Variants in SIPA1L3 observed in about 807,000 individuals in gnomAD.
The protein encoded by SIPA1L3 is signal induced proliferation associated 1 like 3.
A neutral mutation model predicts 150.1 loss-of-function variants in SIPA1L3; 59 were observed. That is an observed-to-expected ratio of 0.39 (90% CI 0.32 to 0.49). The LOEUF is 0.49. Ranked by LOEUF, SIPA1L3 falls within the 20% of genes least tolerant of loss-of-function variation. The pLI, the probability that SIPA1L3 is intolerant of heterozygous loss-of-function variation, is 0.86. For missense variants in SIPA1L3, 2,211 were observed against 2,489.5 expected (o/e 0.89, Z 2.38); for synonymous variants, 1,070 against 1,077.6 (o/e 0.99, Z 0.14).
Position 38,047,695 on chromosome 19 carries a change from ATGC to A in SIPA1L3, c.-311+18542_-311+18544del, listed in dbSNP as rs1969092614. On this transcript the variant is annotated intron_variant, in intron 2 of 21. Transcript: ENST00000222345. The surrounding 1 kb of genome is among the most constrained non-coding windows in gnomAD (Gnocchi z 4.7). The stretch of plus-strand genomic sequence containing the variant: ...CTGCCACACTGGTATCTTTCCCTTG[ATGC>A]TGACGGAGGGATGTGACACCGCAGC... Among the ~76,000 whole-genome samples the A allele has an allele frequency of 6.6e-6, 1 of 152,148 alleles. No homozygotes were observed. Among genetic ancestry groups the A allele is most frequent in the South Asian group, 2.1e-4 (1 of 4,826 alleles).
At position 38,182,581 on chromosome 19, in the gene SIPA1L3, C is replaced by A; in HGVS notation, c.4271C>A (p.Pro1424His). 6.2e-7 allele frequency: 1 copy of A among 1,614,220 alleles called. No homozygotes were observed. Residue 1424 changes from proline to histidine, a missense_variant, in exon 16 of 22, where the codon CCT becomes CAT. By Grantham distance (77) the Pro-to-His change is moderately conservative (BLOSUM62 -2). This residue lies in a region of SIPA1L3 where 806 missense variants were observed against 870.1 expected (regional missense o/e 0.93). Transcript: ENST00000222345. ...QVYKTASAET[P>H]RPSQLAQPSP... ...TACAAAACTGCCAGTGCAGAGACTC[C>A]TCGGCCCTCCCAGCTGGCCCAGCCC...
chr19:38,117,286 C>T (rs1970908931), intron 8 of SIPA1L3, among the ~76,000 whole-genome samples: 1 of 152,166 alleles, frequency 6.6e-6, no homozygotes, highest in South Asian at 2.1e-4. Flanking sequence ...GGGCTTCCTG[C>T]ACAGGCAGGA....
At chr19:37,911,602 G>A (rs1200875291) in intron 1 of SIPA1L3, among the ~76,000 whole-genome samples, 1 of 151,138 alleles carries the variant, frequency 6.6e-6, no homozygotes, top group Non-Finnish European at 1.5e-5. Flanking sequence ...TCCGCCTCCT[G>A]GGTTCACGCC....
intron 10 of SIPA1L3, among the ~76,000 whole-genome samples, chr19:38,133,981 A>G (rs1971372727): frequency 1.3e-5 from 2 of 151,572 alleles, no homozygotes; most frequent in African/African-American, 4.8e-5. Flanking sequence ...TCGCCACTAC[A>G]ACAAATTTTT....
intron 1 of SIPA1L3, among the ~76,000 whole-genome samples, chr19:37,920,768 C>T (rs1050580181): frequency 6.6e-6 from 1 of 152,184 alleles, no homozygotes; most frequent in African/African-American, 2.4e-5. Context: ...TTTGGAAGCC[C>T]CTTTGATAAA....
chr19:37,989,729 G>C (rs1967451312), intron 1 of SIPA1L3, among the ~76,000 whole-genome samples: 1 of 147,074 alleles, frequency 6.8e-6, no homozygotes, highest in East Asian at 2.0e-4. Context: ...GCAATGGCGT[G>C]ATCTCAGCTC....
At chr19:38,176,915 G>C (rs1333312418) in intron 15 of SIPA1L3, among the ~76,000 whole-genome samples, 1 of 151,886 alleles carries the variant, frequency 6.6e-6, no homozygotes, top group Non-Finnish European at 1.5e-5. Flanking sequence ...AGGTTGCAGT[G>C]AGCCAAGATC....
intron 1 of SIPA1L3, among the ~76,000 whole-genome samples, chr19:38,020,320 TC>T (rs576125954): frequency 7.9e-5 from 12 of 152,148 alleles, no homozygotes; most frequent in Non-Finnish European, 1.6e-4. Flanking sequence ...CGTTCATTCT[TC>T]CCTTTCAATG....
At chr19:38,049,695 G>A (rs1173696022) in intron 2 of SIPA1L3, among the ~76,000 whole-genome samples, 1 of 152,136 alleles carries the variant, frequency 6.6e-6, no homozygotes, top group East Asian at 1.9e-4. Flanking sequence ...TGTACTTTTG[G>A]TAGAACTGGG....
In SIPA1L3 at chr19:38,081,751, C is replaced by T. The variant is rs749461630; in HGVS notation, c.186C>T (p.Thr62=). Residue 62 remains threonine, a synonymous_variant, in exon 3 of 22, where the codon ACC becomes ACT. Transcript: ENST00000222345. ...CGGCCACCGCCACCGCCACCGCCAC[C>T]GCCACCACCCGCCCCAGCCCCACCA... The part of the protein sequence containing the change: ...ESPATATATA[T]ATTRPSPTTP... 12 of 1,601,866 alleles carry T rather than the reference C, an allele frequency of 7.5e-6. No individual in the cohort carries two copies. Among genetic ancestry groups the T allele is most frequent in the East Asian group, 4.5e-5 (2 of 44,176 alleles).
At chr19:38,154,541 G>A (rs1971898743) in intron 13 of SIPA1L3, among the ~76,000 whole-genome samples, 2 of 152,066 alleles carry the variant, frequency 1.3e-5, no homozygotes, top group South Asian at 4.1e-4. Flanking sequence ...TCCAACTCCT[G>A]GGTTCAAACA....
At chr19:38,111,960 CACGT>C (rs1970762871) in intron 8 of SIPA1L3, among the ~76,000 whole-genome samples, 2 of 141,262 alleles carry the variant, frequency 1.4e-5, no homozygotes, top group African/African-American at 3.0e-5. Context: ...TACATGCACA[CACGT>C]ACATGCACAC....
At chr19:38,153,399 G>A (rs1435655985) in intron 13 of SIPA1L3, among the ~76,000 whole-genome samples, 4 of 152,206 alleles carry the variant, frequency 2.6e-5, no homozygotes, top group Non-Finnish European at 4.4e-5. Flanking sequence ...GCCAGGCGGG[G>A]TGGCTCACGC....
chr19:37,935,419 T>C (rs2046591675), intron 1 of SIPA1L3, among the ~76,000 whole-genome samples: 2 of 152,228 alleles, frequency 1.3e-5, no homozygotes, highest in Non-Finnish European at 1.5e-5. Flanking sequence ...TTCAGGAAAC[T>C]TGTACAGCGT....
intron 1 of SIPA1L3, among the ~76,000 whole-genome samples, chr19:37,926,321 A>C (rs2046503383): frequency 1.3e-5 from 2 of 152,074 alleles, no homozygotes; most frequent in Non-Finnish European, 2.9e-5. Context: ...GCTTGCTATT[A>C]AGCCCAGCAA....
Position 38,164,884 on chromosome 19 carries a change from C to T in SIPA1L3, c.4186C>T (p.Arg1396Ter). 2 of 1,550,304 alleles carry T rather than the reference C, an allele frequency of 1.3e-6. No individual in the cohort carries two copies. The highest frequency in any genetic ancestry group is 1.2e-5 in the South Asian group (1 of 83,048). Residue 1396 changes from arginine to a stop codon, truncating the protein, a stop_gained, in exon 15 of 22, where the codon CGA becomes TGA. Transcript: ENST00000222345. LOFTEE classifies it high-confidence loss of function. This position sits in a 1 kb window ranked among gnomAD's most constrained non-coding sequence, Gnocchi z 4.1. ...CCCCACGGGACTGGCGGGGGGCAGCCGAGACCCACCGAGGCAGCCCAGGTA... is the reference window on the plus strand; with the variant it reads ...CCCCACGGGACTGGCGGGGGGCAGCTGAGACCCACCGAGGCAGCCCAGGTA... ...STPTGLAGGS[R>*]DPPRQPSDMG...
At chr19:38,079,446 A>G (rs1969927338) in intron 2 of SIPA1L3, among the ~76,000 whole-genome samples, 1 of 152,220 alleles carries the variant, frequency 6.6e-6, no homozygotes, top group South Asian at 2.1e-4. Context: ...AACTGCTAAG[A>G]AAAATTGGAA....
intron 1 of SIPA1L3, among the ~76,000 whole-genome samples, chr19:37,962,884 G>A (rs2046871935): frequency 3.3e-5 from 5 of 152,304 alleles, no homozygotes; most frequent in East Asian, 1.9e-4. Flanking sequence ...CATGGTTGCC[G>A]TTGCCATTTT....
At chr19:38,100,171 G>T in intron 5 of SIPA1L3, 21 bp downstream of exon 5, 1 of 1,523,302 alleles carries the variant, frequency 6.6e-7, no homozygotes, top group Non-Finnish European at 8.8e-7. Context: ...GGCTGGAGGT[G>T]GGGGTGCTGC....
Sources: allele counts gnomAD v4.1 joint callset (sites outside exome capture counted in the v4.1 genomes callset), GRCh38; gene constraint gnomAD v4.1.1; regional missense constraint gnomAD v4.1.1; non-coding constraint Gnocchi (gnomAD v3.1); transcripts MANE v1.5; gene names NCBI Gene and HGNC (gene_info 2026-07-23, HGNC 2026-07-21).